CALD1: variants seen among roughly 807,000 people sequenced by gnomAD.
CALD1 encodes the protein caldesmon.
In CALD1, 33 loss-of-function variants were observed where a neutral mutation model predicts 99.9. That is an observed-to-expected ratio of 0.33 (90% CI 0.25 to 0.44). The LOEUF is 0.44. Ranked by LOEUF, CALD1 falls within the 20% of genes least tolerant of loss-of-function variation. The pLI is 1.00. For missense variants in CALD1, 861 were observed against 962.1 expected, an observed-to-expected ratio of 0.89 and a Z score of 1.39; for synonymous variants, 310 against 325.0, an observed-to-expected ratio of 0.95 and a Z score of 0.50.
At chr7:134,936,615 A>C (rs1386844898) in intron 6 of CALD1, among the ~76,000 whole-genome samples, 2 of 152,244 alleles carry the variant, frequency 1.3e-5, no homozygotes, top group Non-Finnish European at 1.5e-5. Context: ...TAAGAAAACT[A>C]TGGCATCTAT....
chr7:134,759,533 G>T (rs1418921864), intron 1 of CALD1, among the ~76,000 whole-genome samples: 6 of 152,172 alleles, frequency 3.9e-5, no homozygotes. Flanking sequence ...GCACATTCAG[G>T]ACAATGAAAA....
chr7:134,918,510 C>T (rs184467014), intron 3 of CALD1, among the ~76,000 whole-genome samples: 19 of 152,202 alleles, frequency 1.2e-4, no homozygotes, highest in Middle Eastern at 3.4e-3. Flanking sequence ...GGATGCATAC[C>T]ATGCTGGTAA....
intron 3 of CALD1, among the ~76,000 whole-genome samples, chr7:134,922,399 A>C (rs1392732816): frequency 1.3e-5 from 2 of 152,210 alleles, no homozygotes; most frequent in African/African-American, 4.8e-5. Context: ...TGAACCTTTA[A>C]GGATGATGTC....
intron 1 of CALD1, among the ~76,000 whole-genome samples, chr7:134,814,884 A>G (rs915155782): frequency 1.3e-5 from 2 of 152,112 alleles, no homozygotes; most frequent in Admixed American, 1.3e-4. Context: ...TGCCTCCCCC[A>G]GTTTGAATTT....
chr7:134,907,274 AG>A (rs1235906534), intron 3 of CALD1, among the ~76,000 whole-genome samples: 1 of 152,274 alleles, frequency 6.6e-6, no homozygotes, highest in East Asian at 1.9e-4. Flanking sequence ...TAAAAAAACC[AG>A]GTTTAACTGT....
intron 1 of CALD1, among the ~76,000 whole-genome samples, chr7:134,810,504 G>A (rs1458183692): frequency 6.6e-6 from 1 of 152,116 alleles, no homozygotes; most frequent in African/African-American, 2.4e-5. Flanking sequence ...CTAGCACCCT[G>A]GGACAAGAGT....
At chr7:134,952,880 A>G (rs1413552416) in intron 9 of CALD1, among the ~76,000 whole-genome samples, 1 of 152,192 alleles carries the variant, frequency 6.6e-6, no homozygotes, top group Admixed American at 6.5e-5. Context: ...AATTTAAACT[A>G]AGCCACAGAG....
chr7:134,807,433 G>C (rs1271928616), intron 1 of CALD1, among the ~76,000 whole-genome samples: 1 of 151,932 alleles, frequency 6.6e-6, no homozygotes, highest in Non-Finnish European at 1.5e-5. Context: ...TTACATCTCC[G>C]ACCAGTTTCT....
At chr7:134,917,393 G>T (rs1047448936) in intron 3 of CALD1, among the ~76,000 whole-genome samples, 2 of 152,040 alleles carry the variant, frequency 1.3e-5, no homozygotes, top group African/African-American at 4.8e-5. Flanking sequence ...TTGTTGCCCA[G>T]GCCGGAGTGC....
At chr7:134,795,845 G>T (rs1776816253) in intron 1 of CALD1, among the ~76,000 whole-genome samples, 1 of 152,178 alleles carries the variant, frequency 6.6e-6, no homozygotes, top group African/African-American at 2.4e-5. Flanking sequence ...CGGTGGAATG[G>T]AAATATCTAT....
intron 3 of CALD1, among the ~76,000 whole-genome samples, chr7:134,890,444 C>T (rs1586214025): frequency 6.6e-6 from 1 of 152,168 alleles, no homozygotes. Context: ...TCCGTGAAAG[C>T]GCTCTCAATG....
intron 3 of CALD1, chr7:134,920,861 A>C: frequency 7.5e-6 from 3 of 401,022 alleles, no homozygotes; most frequent in South Asian, 6.2e-5. Context: ...TAAGGAAAAC[A>C]GACTTGGAAA....
chr7:134,885,918 T>C (rs761133722), intron 3 of CALD1, among the ~76,000 whole-genome samples: 3 of 151,632 alleles, frequency 2.0e-5, no homozygotes, highest in South Asian at 2.1e-4. Flanking sequence ...ATTCAAGAAA[T>C]TGTTAGAGCC....
chr7:134,897,430 G>T (rs1339302010), intron 3 of CALD1, among the ~76,000 whole-genome samples: 1 of 149,784 alleles, frequency 6.7e-6, no homozygotes, highest in East Asian at 1.9e-4. Flanking sequence ...TCACAAAACG[G>T]TGCTCACACT....
intron 1 of CALD1, among the ~76,000 whole-genome samples, chr7:134,820,311 G>A (rs974590142): frequency 2.0e-5 from 3 of 152,136 alleles, no homozygotes; most frequent in Non-Finnish European, 4.4e-5. Flanking sequence ...TTTTACTCCT[G>A]AATCTGTTGG....
intron 1 of CALD1, among the ~76,000 whole-genome samples, chr7:134,796,703 A>G (rs1036520603): frequency 2.0e-5 from 3 of 151,990 alleles, no homozygotes; most frequent in African/African-American, 7.3e-5. Flanking sequence ...ATCCTGCCCT[A>G]GCCTCCTGAA....
chr7:134,914,047 T>C (rs1804025000), intron 3 of CALD1, among the ~76,000 whole-genome samples: 1 of 152,218 alleles, frequency 6.6e-6, no homozygotes, highest in Non-Finnish European at 1.5e-5. Flanking sequence ...GTATAAAATA[T>C]AAAGCTTGAA....
intron 3 of CALD1, among the ~76,000 whole-genome samples, chr7:134,870,755 TTTC>T (rs1468430657): frequency 6.6e-6 from 1 of 152,168 alleles, no homozygotes; most frequent in Non-Finnish European, 1.5e-5. Flanking sequence ...TCGCTCTTTC[TTTC>T]TTCTTAAGAG....
chr7:134,728,629 A>T, the CALD1 span, among the ~76,000 whole-genome samples: 8 of 152,176 alleles, frequency 5.3e-5, no homozygotes, highest in East Asian at 1.5e-3. Context: ...TTAAGCAGTC[A>T]CCCCCATTCT....
Sources: allele counts gnomAD v4.1 joint callset (sites outside exome capture counted in the v4.1 genomes callset), GRCh38; gene constraint gnomAD v4.1.1; transcripts MANE v1.5; gene names NCBI Gene and HGNC (gene_info 2026-07-23, HGNC 2026-07-21).